GGACT: variants seen among roughly 807,000 people sequenced by gnomAD.
GGACT encodes the protein gamma-glutamylaminecyclotransferase.
For synonymous variants in GGACT, 118 were observed against 115.3 expected (o/e 1.02, Z -0.15); for missense variants, 241 against 233.2 (o/e 1.03, Z -0.22).
At chr13:100,562,178 A>C (rs911544796) in intron 2 of GGACT, among the ~76,000 whole-genome samples, 3 of 152,156 alleles carry the variant, frequency 2.0e-5, no homozygotes, top group African/African-American at 7.2e-5. Flanking sequence ...GTGAAATTTT[A>C]TTCTTCTATA....
intron 2 of GGACT, among the ~76,000 whole-genome samples, chr13:100,577,555 A>G (rs1875289110): frequency 6.6e-6 from 1 of 152,162 alleles, no homozygotes; most frequent in African/African-American, 2.4e-5. Context: ...CTCAAAATTC[A>G]TAATAAAATA....
intron 2 of GGACT, among the ~76,000 whole-genome samples, chr13:100,580,431 G>A (rs879576926): frequency 1.8e-4 from 28 of 152,330 alleles, no homozygotes; most frequent in East Asian, 5.8e-4. Context: ...GCCGCAGAAC[G>A]CCTGGAGCCG....
intron 2 of GGACT, among the ~76,000 whole-genome samples, chr13:100,578,621 G>A (rs1051889677): frequency 6.6e-6 from 1 of 152,160 alleles, no homozygotes; most frequent in African/African-American, 2.4e-5. Flanking sequence ...CTTAGACTTC[G>A]TCAATGTTCC....
intron 2 of GGACT, among the ~76,000 whole-genome samples, chr13:100,558,387 A>G (rs2088728428): frequency 6.6e-6 from 1 of 152,202 alleles, no homozygotes; most frequent in African/African-American, 2.4e-5. Flanking sequence ...TATGAATCTC[A>G]TGTAAGCACA....
At chr13:100,546,895 G>A (rs538256918) in intron 2 of GGACT, among the ~76,000 whole-genome samples, 94 of 152,248 alleles carry the variant, frequency 6.2e-4, no homozygotes, top group Non-Finnish European at 3.8e-4. Context: ...GCGAGGTCTC[G>A]CCTTCTCTTC....
In GGACT at chr13:100,531,965, G is replaced by T. The variant is rs545630852; in HGVS notation, c.*165C>A. On this transcript the variant is annotated 3_prime_UTR_variant, in exon 3 of 3. Transcript: ENST00000683975. ...ATGGGAGGGAAGCACCTTGCTATTC[G>T]TATCTCAACATTATTTGTAAAATCA... 4.7e-5 allele frequency: 22 copies of T among 465,408 alleles called. No individual in the cohort carries two copies. In the South Asian group the frequency reaches 1.5e-3, roughly 33 times the overall value. 28.8% of individuals were successfully genotyped at this position (465,408 alleles called of 1,614,324 possible).
chr13:100,539,684 C>A, intron 2 of GGACT: 1 of 563,520 alleles, frequency 1.8e-6, no homozygotes, highest in Non-Finnish European at 3.1e-6. Context: ...GTGTCTTTGG[C>A]CTTAGTATCA....
chr13:100,558,645 G>T (rs1387837232), intron 2 of GGACT, among the ~76,000 whole-genome samples: 2 of 152,138 alleles, frequency 1.3e-5, no homozygotes, highest in African/African-American at 4.8e-5. Context: ...TCACTTTGGG[G>T]AATAGACCCA....
At chr13:100,535,330 T>C (rs562209159) in intron 2 of GGACT, among the ~76,000 whole-genome samples, 22 of 152,372 alleles carry the variant, frequency 1.4e-4, no homozygotes, top group African/African-American at 5.3e-4. Context: ...TTTATCTCCA[T>C]ATTGTTACTT....
chr13:100,537,450 C>T (rs4772303), intron 2 of GGACT: 69,608 of 152,242 alleles, frequency 0.46, 16,297 homozygotes, highest in South Asian at 0.62. Context: ...AAAGAACTTG[C>T]TCTTCCTGCT....
At chr13:100,548,722 A>G (rs2088630550) in intron 2 of GGACT, among the ~76,000 whole-genome samples, 1 of 152,236 alleles carries the variant, frequency 6.6e-6, no homozygotes, top group Non-Finnish European at 1.5e-5. Flanking sequence ...AAAAAAATGT[A>G]AGAACCGAGA....
At chr13:100,537,775 G>A (rs1002891882) in intron 2 of GGACT, 1 of 152,300 alleles carries the variant, frequency 6.6e-6, no homozygotes, top group Admixed American at 6.5e-5. Context: ...GGAAAGAAGT[G>A]AGAACAGTCC....
intron 2 of GGACT, among the ~76,000 whole-genome samples, chr13:100,568,512 T>C (rs1207871727): frequency 1.3e-5 from 2 of 152,072 alleles, no homozygotes; most frequent in Non-Finnish European, 2.9e-5. Context: ...GGAGAAACCA[T>C]CCCCCATGAT....
intron 2 of GGACT, among the ~76,000 whole-genome samples, chr13:100,581,206 C>T (rs9513766): frequency 1.1e-4 from 16 of 152,186 alleles, no homozygotes; most frequent in East Asian, 5.8e-4. Flanking sequence ...CCACCACAGT[C>T]GAAATGAGCA....
chr13:100,532,734 G>A (rs895444978), intron 2 of GGACT, 133 bp from the exon 3 acceptor site: 10 of 661,928 alleles, frequency 1.5e-5, no homozygotes, highest in Non-Finnish European at 2.3e-5. Flanking sequence ...GCTCAGATAA[G>A]GCGTTACTTA....
At chr13:100,582,703 A>G (rs1272505106) in intron 2 of GGACT, among the ~76,000 whole-genome samples, 3 of 152,202 alleles carry the variant, frequency 2.0e-5, no homozygotes, top group Non-Finnish European at 4.4e-5. Context: ...AAGGAAGAAA[A>G]CAGATTCTCC....
intron 2 of GGACT, among the ~76,000 whole-genome samples, chr13:100,543,398 G>C (rs563389836): frequency 6.6e-6 from 1 of 151,738 alleles, no homozygotes; most frequent in East Asian, 1.9e-4. Context: ...AGTAGAGATG[G>C]GGTTTCACCA....
intron 2 of GGACT, chr13:100,579,027 C>G (rs888126027): frequency 6.6e-5 from 10 of 152,106 alleles, no homozygotes; most frequent in African/African-American, 1.7e-4. Flanking sequence ...CTCTTCCTTA[C>G]TCTAATTTAC....
intron 2 of GGACT, chr13:100,538,364 T>G (rs1240585269): frequency 6.6e-6 from 1 of 152,258 alleles, no homozygotes; most frequent in Admixed American, 6.5e-5. Context: ...GTTCCCTACT[T>G]GTTTTAAATT....
Sources: gnomAD v4.1 joint callset for allele counts (sites outside exome capture counted in the v4.1 genomes callset) on GRCh38, gnomAD v4.1.1 for gene constraint, MANE v1.5 for transcripts, NCBI Gene and HGNC (gene_info 2026-07-23, HGNC 2026-07-21) for gene names.